CNTRL: variants seen among roughly 807,000 people sequenced by gnomAD.
The protein encoded by CNTRL is centriolin.
A neutral mutation model predicts 303.7 loss-of-function variants in CNTRL; 233 were observed. That is an observed-to-expected ratio of 0.77 (90% CI 0.69 to 0.86). CNTRL has a LOEUF of 0.86. Ranked by LOEUF, CNTRL falls within the 40% of genes least tolerant of loss-of-function variation. The probability of loss-of-function intolerance (pLI) is 0.00; values close to 1 mark genes in which losing one functional copy is unlikely to be tolerated. For missense variants in CNTRL, 2,524 were observed against 2,650.6 expected, an observed-to-expected ratio of 0.95 and a Z score of 1.05; for synonymous variants, 900 against 922.2, an observed-to-expected ratio of 0.98 and a Z score of 0.44.
rs775901059 is a variant in CNTRL at position 121,159,008 on chromosome 9, A to G, written c.4918A>G (p.Asn1640Asp). The change falls in exon 31 of 44, where the codon AAT becomes GAT. Residue 1640 changes from asparagine to aspartate, a missense_variant. Physicochemically the swap from Asn to Asp is conservative, Grantham distance 23. Transcript: ENST00000373855. ...LGETEVTEKC[N>D]HIREVKSLLE... ...AGAGACTGAAGTAACTGAGAAGTGC[A>G]ATCACATTAGGGTGTGTTTTTTATT... The G allele has an allele frequency of 2.5e-6, 4 of 1,614,006 alleles. No homozygotes were observed. The highest frequency in any genetic ancestry group is 1.7e-6 in the Non-Finnish European group (2 of 1,179,978).
At chr9:121,101,180 CAG>C (rs1196474392) in intron 7 of CNTRL, among the ~76,000 whole-genome samples, 1 of 152,164 alleles carries the variant, frequency 6.6e-6, no homozygotes, top group Non-Finnish European at 1.5e-5. Flanking sequence ...TGTAAAAGAA[CAG>C]AAATTATAAC....
chr9:121,105,873 AT>A (rs981511548), intron 7 of CNTRL, among the ~76,000 whole-genome samples: 9 of 152,112 alleles, frequency 5.9e-5, no homozygotes, highest in Non-Finnish European at 1.2e-4. Context: ...GAGATTTGAA[AT>A]TTTTTCCCAT....
chr9:121,088,837 G>A (rs1477454559), intron 3 of CNTRL, among the ~76,000 whole-genome samples: 1 of 152,204 alleles, frequency 6.6e-6, no homozygotes, highest in African/African-American at 2.4e-5. Flanking sequence ...TGGTTAAGGG[G>A]AGGGAAGATC....
chr9:121,106,730 A>C (rs2049494781), intron 7 of CNTRL, among the ~76,000 whole-genome samples: 1 of 152,186 alleles, frequency 6.6e-6, no homozygotes, highest in South Asian at 2.1e-4. Flanking sequence ...CAAAAATGGC[A>C]ATTTCATATG....
At chr9:121,135,673 A>G in intron 14 of CNTRL, 133 bp from the exon 15 acceptor site, 1 of 699,394 alleles carries the variant, frequency 1.4e-6, no homozygotes, top group Non-Finnish European at 2.3e-6. Context: ...TCATATTGCT[A>G]CTGAAAACTT....
chr9:121,138,675 T>G lies in CNTRL; in HGVS notation c.2333T>G (p.Leu778Trp). Residue 778 changes from leucine (L) to tryptophan (W), a missense_variant, in exon 16 of 44, where the codon TTG becomes TGG. Leu to Trp is a moderately conservative substitution (Grantham distance 61). Transcript: ENST00000373855. Reference sequence around the variant, plus strand: ...GAGCTCCATGCAAAACTTAAACACTTGCAGGTAGAGATTTGTTGTTTTAGA... The same window carrying G: ...GAGCTCCATGCAAAACTTAAACACTGGCAGGTAGAGATTTGTTGTTTTAGA... ...NSELHAKLKH[L>W]QDDNNLLKQQ... 1 of 1,613,254 alleles carries G rather than the reference T, an allele frequency of 6.2e-7. No homozygotes were observed. The highest frequency in any genetic ancestry group is 8.5e-7 in the Non-Finnish European group (1 of 1,179,588).
chr9:121,100,250 T>C (rs1019012381), intron 7 of CNTRL, among the ~76,000 whole-genome samples: 2 of 152,204 alleles, frequency 1.3e-5, no homozygotes, highest in African/African-American at 4.8e-5. Context: ...TAGGGGCCAA[T>C]ATTCAACATT....
chr9:121,142,270 G>A lies in CNTRL; in HGVS notation c.2871G>A (p.Lys957=). ...ILAQLRELEK[K]KKLEDAKSQE... is the part of the protein sequence containing the mutation. ...CCCAACTCCGAGAGTTAGAGAAAAAGGTAGGGGAGACTTAGAAAATGAGAC... is the reference window on the plus strand; with the variant it reads ...CCCAACTCCGAGAGTTAGAGAAAAAAGTAGGGGAGACTTAGAAAATGAGAC... The change falls in exon 19 of 44, where the codon AAG becomes AAA. Residue 957 remains lysine, a splice_region_variant and synonymous_variant. Coordinates refer to ENST00000373855, the MANE Select transcript of CNTRL (RefSeq NM_007018.6). The A allele has an allele frequency of 6.3e-7, 1 of 1,593,016 alleles. No individual in the cohort carries two copies. The highest frequency in any genetic ancestry group is 8.5e-7 in the Non-Finnish European group (1 of 1,173,568).
In CNTRL at chr9:121,090,381, T is replaced by C. The variant is rs2048513176; in HGVS notation, c.324T>C (p.Ser108=). The change falls in exon 4 of 44, where the codon TCT becomes TCC. Residue 108 remains serine (S), a synonymous_variant. Coordinates refer to ENST00000373855, the MANE Select transcript of CNTRL (RefSeq NM_007018.6). Reference sequence around the variant, plus strand: ...TAAAATCTCTGAACCTTTCACTTTCTAAAGACGGTGGCAAGAAATTTAAGG... The same window carrying C: ...TAAAATCTCTGAACCTTTCACTTTCCAAAGACGGTGGCAAGAAATTTAAGG... ...ALIKSLNLSL[S]KDGGKKFKYI... The C allele has an allele frequency of 6.2e-7, 1 of 1,611,402 alleles. No individual in the cohort carries two copies. Among genetic ancestry groups the C allele is most frequent in the Non-Finnish European group, 8.5e-7 (1 of 1,179,106 alleles).
chr9:121,176,044 TG>T (rs1301486831), intron 43 of CNTRL, among the ~76,000 whole-genome samples: 1 of 152,238 alleles, frequency 6.6e-6, no homozygotes, highest in African/African-American at 2.4e-5. Context: ...CTCATGGAAC[TG>T]GTAAGTAGTA....
intron 42 of CNTRL, among the ~76,000 whole-genome samples, chr9:121,174,654 A>C (rs2053448464): frequency 6.6e-6 from 1 of 152,236 alleles, no homozygotes; most frequent in African/African-American, 2.4e-5. Flanking sequence ...AGGAAAAAAT[A>C]CATAATCAGG....
intron 7 of CNTRL, among the ~76,000 whole-genome samples, chr9:121,105,535 A>G (rs1198389946): frequency 2.0e-5 from 3 of 152,256 alleles, no homozygotes; most frequent in Non-Finnish European, 4.4e-5. Flanking sequence ...TCACATCAGC[A>G]TAAAAATGAC....
Position 121,118,493 on chromosome 9 carries a change from G to A in CNTRL, c.1603G>A (p.Asp535Asn). 1 of 1,609,400 alleles carries A rather than the reference G, an allele frequency of 6.2e-7. No homozygotes were observed. The highest frequency in any genetic ancestry group is 1.3e-5 in the African/African-American group (1 of 74,960). Residue 535 changes from aspartate (D) to asparagine (N), a missense_variant, in exon 12 of 44, where the codon GAC becomes AAC. By Grantham distance (23) the Asp-to-Asn change is conservative. Coordinates refer to ENST00000373855, the MANE Select transcript of CNTRL (RefSeq NM_007018.6). ...EIAGKQKEIK[D>N]LQIAIDSLDS... ...TGCCGGAAAGCAGAAGGAGATTAAG[G>A]ACCTGCAAATAGCCATAGATAGCCT... is the stretch of plus-strand genomic sequence containing the variant.
In CNTRL at chr9:121,140,787, G is replaced by A. The variant is rs370859675; in HGVS notation, c.2483+1G>A. On this transcript the variant is annotated splice_donor_variant, in intron 17 of 43. Coordinates refer to ENST00000373855, the MANE Select transcript of CNTRL (RefSeq NM_007018.6). LOFTEE classifies it high-confidence loss of function. ...TGAAATTAGGAACTGGGGAAATGAAGTAAGGAAAAAGCAAGACCTCCAAGT... is the reference window on the plus strand; with the variant it reads ...TGAAATTAGGAACTGGGGAAATGAAATAAGGAAAAAGCAAGACCTCCAAGT... 5 of 1,609,994 alleles carry A rather than the reference G, an allele frequency of 3.1e-6. No individual in the cohort carries two copies. Among genetic ancestry groups the A allele is most frequent in the Non-Finnish European group, 4.2e-6 (5 of 1,177,596 alleles).
rs1388652506 is a variant in CNTRL at position 121,115,140 on chromosome 9, A to G, written c.1395A>G (p.Gln465=). 1 of 1,611,680 alleles carries G rather than the reference A, an allele frequency of 6.2e-7. No homozygotes were observed. Among genetic ancestry groups the G allele is most frequent in the Non-Finnish European group, 8.5e-7 (1 of 1,178,910 alleles). The change falls in exon 11 of 44, where the codon CAA becomes CAG. Residue 465 remains glutamine, a synonymous_variant. Coordinates refer to ENST00000373855, the MANE Select transcript of CNTRL (RefSeq NM_007018.6). ...ATGATGAAATAGAAAAGGCAGAACAACAAATTTTGAGAGCTACTGAAGAAT... is the reference window on the plus strand; with the variant it reads ...ATGATGAAATAGAAAAGGCAGAACAGCAAATTTTGAGAGCTACTGAAGAAT... ...ELHDEIEKAE[Q]QILRATEEFK...
rs1466494506 is a variant in CNTRL, at chr9:121,145,364, G to A, written c.3289G>A (p.Val1097Ile). 6.2e-7 allele frequency: 1 copy of A among 1,609,284 alleles called. No individual in the cohort carries two copies. Among genetic ancestry groups the A allele is most frequent in the Admixed American group, 1.7e-5 (1 of 58,540 alleles). The change falls in exon 22 of 44, where the codon GTA (valine) becomes ATA (isoleucine). Residue 1097 changes from valine (V) to isoleucine (I), a missense_variant. Physicochemically the swap from Val to Ile is conservative, Grantham distance 29. Transcript: ENST00000373855. ...GACAGAGATTGCAAGGCTGCAGAAT[G>A]TACTAGACCTCACTGGAAGTGGTAA... ...QRTEIARLQNVLDLTGSDNKG... is the reference protein window; with the variant it reads ...QRTEIARLQNILDLTGSDNKG...
chr9:121,109,578 T>G (rs2049651276), intron 8 of CNTRL, among the ~76,000 whole-genome samples: 1 of 29,174 alleles, frequency 3.4e-5, no homozygotes. Context: ...AGAGAAAATC[T>G]GTGTGTGTGT....
chr9:121,143,156 C>T (rs1449711300), intron 19 of CNTRL, among the ~76,000 whole-genome samples: 1 of 152,218 alleles, frequency 6.6e-6, no homozygotes, highest in Non-Finnish European at 1.5e-5. Flanking sequence ...CACACCTTCT[C>T]ATTCCTCACA....
At chr9:121,150,070 G>T in intron 24 of CNTRL, 100 bp from the exon 25 acceptor site, 1 of 897,502 alleles carries the variant, frequency 1.1e-6, no homozygotes, top group Non-Finnish European at 1.7e-6. Context: ...CAGTATCTTG[G>T]CTTAAATGCT....
Sources: allele counts gnomAD v4.1 joint callset (sites outside exome capture counted in the v4.1 genomes callset), GRCh38; gene constraint gnomAD v4.1.1; transcripts MANE v1.5; gene names NCBI Gene and HGNC (gene_info 2026-07-23, HGNC 2026-07-21).